The following AREG variants were observed in gnomAD, a reference collection of about 807,000 sequenced individuals.
The protein encoded by AREG is amphiregulin B.
A neutral mutation model predicts 28.0 loss-of-function variants in AREG; 16 were observed. That is an observed-to-expected ratio of 0.57 (90% CI 0.39 to 0.87). The LOEUF is 0.87. AREG is among the 40% of genes least tolerant of loss of function. AREG has a pLI of 0.00. For missense variants in AREG, 287 were observed against 309.1 expected (o/e 0.93, Z 0.53); for synonymous variants, 113 against 113.5 (o/e 1.00, Z 0.02).
intron 2 of AREG, among the ~76,000 whole-genome samples, chr4:74,447,456 CA>C (rs1267278566): frequency 1.3e-5 from 2 of 152,124 alleles, no homozygotes; most frequent in Non-Finnish European, 2.9e-5. Context: ...TCTTTAACCC[CA>C]AATCCCATTT....
intron 2 of AREG, chr4:74,448,606 C>A (rs1288677719): frequency 6.0e-6 from 1 of 165,490 alleles, no homozygotes; most frequent in Admixed American, 5.8e-5. Context: ...CAAGACTGAA[C>A]AAAAGTTTCT....
Position 74,445,186 on chromosome 4 carries a change from G to T in AREG, c.-160G>T. On this transcript the variant is annotated 5_prime_UTR_variant, in exon 1 of 6. Coordinates refer to ENST00000395748, the MANE Select transcript of AREG (RefSeq NM_001657.4). ...CGCCCCAGAGGTCCCGGGACAGCCC[G>T]AGGCGCCGCGCCCGCCGCCCCGAGC... 1 of 1,467,770 alleles carries T rather than the reference G, an allele frequency of 6.8e-7. No homozygotes were observed. Among genetic ancestry groups the T allele is most frequent in the Non-Finnish European group, 9.1e-7 (1 of 1,099,942 alleles). 90.9% of individuals were successfully genotyped at this position (1,467,770 alleles called of 1,614,324 possible).
rs774296008 is a variant in AREG at position 74,449,122 on chromosome 4, A to C, written c.386A>C (p.Lys129Thr). The change falls in exon 3 of 6, where the codon AAG becomes ACG. Residue 129 changes from lysine to threonine, a missense_variant. Physicochemically the swap from Lys to Thr is moderately conservative, Grantham distance 78. Coordinates refer to ENST00000395748, the MANE Select transcript of AREG (RefSeq NM_001657.4). ...TCAGATAAACCCAAAAGAAAGAAAA[A>C]GGGAGGCAAAAATGGAAAAAATAGA... ...NTSDKPKRKK[K>T]GGKNGKNRRN... 38 of 1,612,546 alleles carry C rather than the reference A, an allele frequency of 2.4e-5. No homozygotes were observed. The highest frequency in any genetic ancestry group is 1.3e-5 in the African/African-American group (1 of 74,532).
rs1405712845 is a variant in AREG at position 74,449,253 on chromosome 4, GT to G, written c.512+9del. On this transcript the variant is annotated splice_donor_region_variant and intron_variant, in intron 3 of 5. Coordinates refer to ENST00000395748, the MANE Select transcript of AREG (RefSeq NM_001657.4). ...CCTGGAAGCAGTAACATGCAAGTAA[GT>G]TTTCCTAAAGCATATAGAATTTTGT... is the stretch of plus-strand genomic sequence containing the variant. 2 of 1,613,420 alleles carry G rather than the reference GT, an allele frequency of 1.2e-6. No homozygotes were observed. Among genetic ancestry groups the G allele is most frequent in the Non-Finnish European group, 1.7e-6 (2 of 1,179,764 alleles).
intron 2 of AREG, among the ~76,000 whole-genome samples, chr4:74,448,329 T>C (rs1017304604): frequency 9.9e-5 from 15 of 152,258 alleles, no homozygotes; most frequent in Non-Finnish European, 1.9e-4. Context: ...ACTGCTAAAA[T>C]ACTCAGTATT....
intron 5 of AREG, among the ~76,000 whole-genome samples, chr4:74,453,289 A>C (rs1392855228): frequency 6.6e-6 from 1 of 152,204 alleles, no homozygotes; most frequent in Non-Finnish European, 1.5e-5. Flanking sequence ...GGAGACAGAC[A>C]ATAGGTTGAA....
At position 74,454,855 on chromosome 4, in the gene AREG, T is replaced by G. The variant is rs1719439301; in HGVS notation, c.*115T>G. On this transcript the variant is annotated 3_prime_UTR_variant, in exon 6 of 6. Transcript: ENST00000395748. ...AGACAATGGACCCTTTTTGTTATGATGGTTTTAAACTTTCAATTGTCACTT... is the reference window on the plus strand; with the variant it reads ...AGACAATGGACCCTTTTTGTTATGAGGGTTTTAAACTTTCAATTGTCACTT... 1 of 699,820 alleles carries G rather than the reference T, an allele frequency of 1.4e-6. No individual in the cohort carries two copies. The highest frequency in any genetic ancestry group is 1.5e-5 in the South Asian group (1 of 67,196). 43.4% of individuals were successfully genotyped at this position (699,820 alleles called of 1,614,324 possible).
At chr4:74,453,514 A>G (rs1277561393) in intron 5 of AREG, among the ~76,000 whole-genome samples, 1 of 152,200 alleles carries the variant, frequency 6.6e-6, no homozygotes, top group African/African-American at 2.4e-5. Flanking sequence ...AATCAAGAAC[A>G]CACTTAAAGT....
chr4:74,447,504 G>C (rs1719313289), intron 2 of AREG, among the ~76,000 whole-genome samples: 1 of 152,172 alleles, frequency 6.6e-6, no homozygotes, highest in South Asian at 2.1e-4. Flanking sequence ...TCACTTTCCT[G>C]TTATCTCATA....
chr4:74,452,776 T>C, intron 5 of AREG, 121 bp downstream of exon 5: 1 of 812,896 alleles, frequency 1.2e-6, no homozygotes, highest in African/African-American at 1.7e-5. Flanking sequence ...GAACAATGGC[T>C]ATGTTAAAGT....
intron 3 of AREG, 118 bp from the exon 4 acceptor site, chr4:74,450,262 G>T: frequency 6.6e-7 from 1 of 1,504,610 alleles, no homozygotes; most frequent in Non-Finnish European, 9.2e-7. Context: ...TAAAATACGA[G>T]TATATGGCAT....
At chr4:74,447,937 A>C (rs1719319127) in intron 2 of AREG, among the ~76,000 whole-genome samples, 1 of 152,252 alleles carries the variant, frequency 6.6e-6, no homozygotes. Flanking sequence ...TGTTCTCTTA[A>C]ACATGTTTCA....
rs936521107 is a variant in AREG, at chr4:74,447,747, G to A, written c.310+965G>A. ...GTCTGGTTCTCAGAACTGGTGAAGG[G>A]ACATCAAGTGGTACCAGAGGGACAG... On this transcript the variant is annotated intron_variant, in intron 2 of 5. Transcript: ENST00000395748. 1.7e-3 allele frequency among the ~76,000 whole-genome samples: 263 copies of A among 152,304 alleles called. 1 individual carries two copies. Among genetic ancestry groups the A allele is most frequent in the African/African-American group, 6.0e-3 (248 of 41,566 alleles).
chr4:74,448,415 G>A (rs1719326383), intron 2 of AREG, among the ~76,000 whole-genome samples: 2 of 151,940 alleles, frequency 1.3e-5, no homozygotes, highest in Admixed American at 6.5e-5. Flanking sequence ...CTAATGTTTT[G>A]TATTGAATGG....
At chr4:74,450,289 G>A in intron 3 of AREG, 91 bp from the exon 4 acceptor site, 1 of 1,599,444 alleles carries the variant, frequency 6.3e-7, no homozygotes, top group East Asian at 2.2e-5. Context: ...TTTAATGTTG[G>A]AATTAAATGG....
At chr4:74,445,518 G>A (rs1261774825) in intron 1 of AREG, 112 bp downstream of exon 1, 6 of 1,532,536 alleles carry the variant, frequency 3.9e-6, no homozygotes, top group Non-Finnish European at 4.4e-6. Flanking sequence ...CCGACCCTGC[G>A]CCGCAGGAGG....
Position 74,445,298 on chromosome 4 carries a change from G to A in AREG, c.-48G>A. The A allele has an allele frequency of 6.3e-7, 1 of 1,596,050 alleles. No individual in the cohort carries two copies. The highest frequency in any genetic ancestry group is 8.5e-7 in the Non-Finnish European group (1 of 1,173,430). On this transcript the variant is annotated 5_prime_UTR_variant, in exon 1 of 6. Coordinates refer to ENST00000395748, the MANE Select transcript of AREG (RefSeq NM_001657.4). ...CGTTTTGGCGGCAGCTCGTGTCCCA[G>A]AGACCGAGTTGCCCCAGAGACCGAG... is the stretch of plus-strand genomic sequence containing the variant.
chr4:74,449,256 T>G lies in AREG; in HGVS notation c.512+8T>G. On this transcript the variant is annotated splice_region_variant and intron_variant, in intron 3 of 5. Coordinates refer to ENST00000395748, the MANE Select transcript of AREG (RefSeq NM_001657.4). ...GGAAGCAGTAACATGCAAGTAAGTT[T>G]TCCTAAAGCATATAGAATTTTGTAT... 6.2e-7 allele frequency: 1 copy of G among 1,613,606 alleles called. No homozygotes were observed. The highest frequency in any genetic ancestry group is 8.5e-7 in the Non-Finnish European group (1 of 1,179,804).
intron 2 of AREG, among the ~76,000 whole-genome samples, chr4:74,447,413 G>T (rs1304874698): frequency 6.6e-6 from 1 of 152,146 alleles, no homozygotes; most frequent in Admixed American, 6.5e-5. Context: ...AAAGAAGGGT[G>T]AATATACTTA....
Sources: allele counts gnomAD v4.1 joint callset (sites outside exome capture counted in the v4.1 genomes callset), GRCh38; gene constraint gnomAD v4.1.1; transcripts MANE v1.5; gene names NCBI Gene and HGNC (gene_info 2026-07-23, HGNC 2026-07-21).